CNTNAP2: variants seen among roughly 807,000 people sequenced by gnomAD.
CNTNAP2 encodes the protein contactin-associated protein-like 2.
CNTNAP2 carries 98 observed loss-of-function variants against 155.2 expected under a neutral mutation model. The observed-to-expected ratio is 0.63, with a 90% CI of 0.54 to 0.75. The LOEUF (loss-of-function observed/expected upper bound fraction) is 0.75. CNTNAP2 is among the 30% of genes least tolerant of loss of function. CNTNAP2 has a pLI of 0.00. For missense variants in CNTNAP2, 1,727 were observed against 1,688.1 expected (o/e 1.02, Z -0.40); for synonymous variants, 651 against 631.2 (o/e 1.03, Z -0.47).
intron 21 of CNTNAP2, among the ~76,000 whole-genome samples, chr7:148,360,652 A>C (rs943078457): frequency 6.6e-6 from 1 of 152,222 alleles, no homozygotes; most frequent in African/African-American, 2.4e-5. Flanking sequence ...AACTTACAGA[A>C]GTGACACCAG....
intron 8 of CNTNAP2, among the ~76,000 whole-genome samples, chr7:147,199,935 A>T (rs1237133225): frequency 1.3e-5 from 2 of 152,152 alleles, no homozygotes; most frequent in Non-Finnish European, 2.9e-5. Flanking sequence ...GTGAGAATTA[A>T]TATAAACACA....
rs1315058045 is a variant in CNTNAP2 at position 147,976,853 on chromosome 7, G to T, written c.2256-1009G>T. On this transcript the variant is annotated intron_variant, in intron 14 of 23. Transcript: ENST00000361727. ...TCCTGTCATCCAAAAATCAGGGTGG[G>T]ATTTTTCTGATGAGTTCTATGTGCA... is the stretch of plus-strand genomic sequence containing the variant. Among the ~76,000 whole-genome samples the T allele has an allele frequency of 6.6e-5, 10 of 151,662 alleles. No homozygotes were observed. The East Asian group carries it at 2.0e-3, about 30-fold the overall frequency.
chr7:146,279,460 A>G (rs947486873), intron 1 of CNTNAP2, among the ~76,000 whole-genome samples: 4 of 151,082 alleles, frequency 2.6e-5, no homozygotes, highest in Non-Finnish European at 5.9e-5. Context: ...ACACACACAC[A>G]CACTTCCACA....
At chr7:146,390,032 C>T (rs1795518005) in intron 1 of CNTNAP2, among the ~76,000 whole-genome samples, 1 of 151,902 alleles carries the variant, frequency 6.6e-6, no homozygotes, top group South Asian at 2.1e-4. Flanking sequence ...CTCTGCCTTT[C>T]ATATTGTATT....
intron 8 of CNTNAP2, among the ~76,000 whole-genome samples, chr7:147,240,598 T>C (rs2116636516): frequency 6.6e-6 from 1 of 152,324 alleles, no homozygotes; most frequent in South Asian, 2.1e-4. Context: ...ATAGCCTCTG[T>C]GGTGTTCGAG....
At chr7:146,587,338 G>T (rs1798708304) in intron 1 of CNTNAP2, among the ~76,000 whole-genome samples, 1 of 152,038 alleles carries the variant, frequency 6.6e-6, no homozygotes, top group Non-Finnish European at 1.5e-5. Flanking sequence ...CATTTGTACA[G>T]CCTCTCCGAT....
At chr7:147,119,995 A>G (rs1801070286) in intron 5 of CNTNAP2, among the ~76,000 whole-genome samples, 1 of 152,210 alleles carries the variant, frequency 6.6e-6, no homozygotes. Context: ...GATTCTAACA[A>G]TCTTTTACTT....
chr7:147,827,367 C>A (rs573736746), intron 13 of CNTNAP2, among the ~76,000 whole-genome samples: 1 of 152,180 alleles, frequency 6.6e-6, no homozygotes, highest in African/African-American at 2.4e-5. Flanking sequence ...ACCAAACTTA[C>A]CCAAGTGGTT....
chr7:146,664,611 T>C, intron 1 of CNTNAP2, among the ~76,000 whole-genome samples: 1 of 152,228 alleles, frequency 6.6e-6, no homozygotes, highest in East Asian at 1.9e-4. Flanking sequence ...TGTAGTTTTC[T>C]TTAACATAAT....
chr7:148,105,647 G>A (rs1040928697), intron 15 of CNTNAP2, among the ~76,000 whole-genome samples: 8 of 151,610 alleles, frequency 5.3e-5, no homozygotes, highest in African/African-American at 1.7e-4. Flanking sequence ...GAGCGCAATG[G>A]CACACTCTTG....
intron 4 of CNTNAP2, among the ~76,000 whole-genome samples, chr7:147,076,327 A>T (rs1245016306): frequency 6.6e-6 from 1 of 152,050 alleles, no homozygotes; most frequent in East Asian, 1.9e-4. Context: ...CACCATTCTA[A>T]CTGGTGTGAG....
chr7:147,091,669 G>A (rs566221512), intron 4 of CNTNAP2, among the ~76,000 whole-genome samples: 1 of 150,610 alleles, frequency 6.6e-6, no homozygotes, highest in Non-Finnish European at 1.5e-5. Flanking sequence ...GCAGTGGTGC[G>A]ATCTCGGCTC....
chr7:147,384,368 C>T lies in CNTNAP2; in HGVS notation c.1499-11241C>T, dbSNP rs372936055. ...TTGTAAATTTCAGAAGAGGGATGCT[C>T]TAAGTGGGTGAATGTATCCTACGAT... is the stretch of plus-strand genomic sequence containing the variant. On this transcript the variant is annotated intron_variant, in intron 9 of 23. Coordinates refer to ENST00000361727, the MANE Select transcript of CNTNAP2 (RefSeq NM_014141.6). Among the ~76,000 whole-genome samples, 7 of 152,252 alleles carry T rather than the reference C, an allele frequency of 4.6e-5. No homozygotes were observed. In the South Asian group the frequency reaches 1.4e-3, roughly 32 times the overall value.
At chr7:147,039,475 C>G (rs1181793686) in intron 3 of CNTNAP2, among the ~76,000 whole-genome samples, 4 of 152,170 alleles carry the variant, frequency 2.6e-5, no homozygotes, top group Non-Finnish European at 5.9e-5. Context: ...ATTTGGTTTT[C>G]TGTTCCTGCA....
intron 18 of CNTNAP2, among the ~76,000 whole-genome samples, chr7:148,175,418 GT>G (rs1313804468): frequency 6.6e-6 from 1 of 152,082 alleles, no homozygotes; most frequent in East Asian, 1.9e-4. Flanking sequence ...GGACCATCTA[GT>G]TGTACTTTCT....
At chr7:146,644,098 CG>C (rs1799765306) in intron 1 of CNTNAP2, among the ~76,000 whole-genome samples, 3 of 152,172 alleles carry the variant, frequency 2.0e-5, no homozygotes. Context: ...ACAATCATGT[CG>C]TCTGCAAACA....
At chr7:146,343,215 A>T (rs1170277135) in intron 1 of CNTNAP2, among the ~76,000 whole-genome samples, 1 of 152,182 alleles carries the variant, frequency 6.6e-6, no homozygotes, top group Non-Finnish European at 1.5e-5. Flanking sequence ...TTGTGTAAGA[A>T]TAGTGGATGA....
At chr7:147,045,045 G>A (rs930080108) in intron 4 of CNTNAP2, among the ~76,000 whole-genome samples, 5 of 152,104 alleles carry the variant, frequency 3.3e-5, no homozygotes, top group South Asian at 2.1e-4. Context: ...CTACGAACAC[G>A]TGATTTGCAA....
chr7:146,298,993 G>A lies in CNTNAP2; in HGVS notation c.97+182020G>A, dbSNP rs1010670010. 1.2e-4 allele frequency among the ~76,000 whole-genome samples: 19 copies of A among 152,212 alleles called. 1 individual carries two copies. The highest frequency in any genetic ancestry group is 9.7e-4 in the East Asian group (5 of 5,168). ...TTGTGAATATTAAAAGAAATAATAC[G>A]GCCAGGTGTGGTGGATCACGCCTGT... On this transcript the variant is annotated intron_variant, in intron 1 of 23. Coordinates refer to ENST00000361727, the MANE Select transcript of CNTNAP2 (RefSeq NM_014141.6).
Sources: allele counts gnomAD v4.1 joint callset (sites outside exome capture counted in the v4.1 genomes callset), GRCh38; gene constraint gnomAD v4.1.1; transcripts MANE v1.5; gene names NCBI Gene and HGNC (gene_info 2026-07-23, HGNC 2026-07-21).